MS4A8: variants seen among roughly 807,000 people sequenced by gnomAD.
MS4A8 encodes the protein membrane-spanning 4-domains subfamily A member 8.
A neutral mutation model predicts 23.7 loss-of-function variants in MS4A8; 27 were observed. The observed-to-expected ratio is 1.14, with a 90% CI of 0.84 to 1.57. The LOEUF (loss-of-function observed/expected upper bound fraction) is 1.57, where lower values mean the gene tolerates loss of function less well. MS4A8 is among the 40% of genes most tolerant of loss of function. MS4A8 has a pLI of 0.00. For synonymous variants in MS4A8, 138 were observed against 126.3 expected (o/e 1.09, Z -0.62); for missense variants, 301 against 311.4 (o/e 0.97, Z 0.25).
intron 2 of MS4A8, among the ~76,000 whole-genome samples, chr11:60,701,786 G>A (rs918365132): frequency 1.3e-5 from 2 of 152,136 alleles, no homozygotes; most frequent in African/African-American, 4.8e-5. Flanking sequence ...ATTGCAGCGT[G>A]GTTTGTGATA....
At chr11:60,712,408 G>A (rs761607077) in intron 5 of MS4A8, 2 of 985,258 alleles carry the variant, frequency 2.0e-6, no homozygotes, top group Non-Finnish European at 2.4e-6. Flanking sequence ...TGGAGAGGAA[G>A]GAGAAGAAAA....
chr11:60,699,981 C>T (rs1229568483), intron 1 of MS4A8, among the ~76,000 whole-genome samples: 1 of 152,154 alleles, frequency 6.6e-6, no homozygotes, highest in Admixed American at 6.5e-5. Context: ...TTTTTAAAAC[C>T]ACATTAGAAT....
In MS4A8 at chr11:60,715,026, T is replaced by C. The variant is rs368354928; in HGVS notation, c.540T>C (p.Pro180=). 435 of 1,613,666 alleles carry C rather than the reference T, an allele frequency of 2.7e-4. 3 individuals carry two copies. In the South Asian group the frequency reaches 4.3e-3, roughly 16 times the overall value. Residue 180 remains proline (P), a synonymous_variant, in exon 6 of 7, where the codon CCT becomes CCC. Transcript: ENST00000300226. ...CCCATCTGCTCTGCCTACAGAACCC[T>C]GGAATGGCGATTTCTGGCGTGCTGC... The part of the protein sequence containing the change: ...DYYPYAWGVN[P]GMAISGVLLV...
intron 5 of MS4A8, chr11:60,712,312 C>T: frequency 6.1e-6 from 6 of 984,962 alleles, no homozygotes; most frequent in Non-Finnish European, 7.2e-6. Context: ...TTATCATCTG[C>T]ATCTGTTTTC....
chr11:60,708,048 A>G (rs990368308), intron 4 of MS4A8, among the ~76,000 whole-genome samples: 1 of 151,866 alleles, frequency 6.6e-6, no homozygotes, highest in Non-Finnish European at 1.5e-5. Context: ...GAGTTTTGCC[A>G]TTTTGGCCAG....
chr11:60,703,435 G>C lies in MS4A8; in HGVS notation c.277G>C (p.Val93Leu). ...CGGCCTCGGCTCCATCATGGCGACG[G>C]TTCTCGTAGGGGAATACCTGTCTAT... is the stretch of plus-strand genomic sequence containing the variant. ...HIGLGSIMAT[V>L]LVGEYLSISF... The change falls in exon 3 of 7, where the codon GTT (valine) becomes CTT (leucine). Residue 93 changes from valine to leucine, a missense_variant. Transcript: ENST00000300226. The C allele has an allele frequency of 6.2e-7, 1 of 1,606,588 alleles. No homozygotes were observed. Among genetic ancestry groups the C allele is most frequent in the Non-Finnish European group, 8.5e-7 (1 of 1,176,992 alleles).
intron 2 of MS4A8, chr11:60,701,389 C>T (rs1414590116): frequency 2.0e-6 from 1 of 496,458 alleles, no homozygotes; most frequent in African/African-American, 2.0e-5. Context: ...AGAAAGGGGT[C>T]CCAGCAAGAC....
chr11:60,702,201 G>A (rs112203448), intron 2 of MS4A8, among the ~76,000 whole-genome samples: 342 of 152,200 alleles, frequency 2.2e-3, no homozygotes, highest in African/African-American at 7.7e-3. Context: ...GCTTAGCCTC[G>A]CCTACCTTAA....
At position 60,715,396 on chromosome 11, in the gene MS4A8, G is replaced by A. The variant is rs758408622; in HGVS notation, c.735G>A (p.Glu245=). Residue 245 remains glutamate (E), a synonymous_variant, in exon 7 of 7, where the codon GAG becomes GAA. Coordinates refer to ENST00000300226, the MANE Select transcript of MS4A8 (RefSeq NM_031457.2). The part of the protein sequence containing the change: ...PVTSPPSYSS[E]IQANK ...CCTCACCACCAAGTTATTCCAGTGA[G>A]ATCCAAGCAAATAAGTAAGGCTACA... is the stretch of plus-strand genomic sequence containing the variant. 2 of 1,613,760 alleles carry A rather than the reference G, an allele frequency of 1.2e-6. No individual in the cohort carries two copies. The highest frequency in any genetic ancestry group is 1.7e-5 in the Admixed American group (1 of 60,008).
chr11:60,703,378 G>A lies in MS4A8; in HGVS notation c.220G>A (p.Ala74Thr), dbSNP rs764744158. The A allele has an allele frequency of 2.6e-5, 41 of 1,564,824 alleles. No individual in the cohort carries two copies. The highest frequency in any genetic ancestry group is 3.2e-5 in the Non-Finnish European group (37 of 1,157,138). Residue 74 changes from alanine to threonine, a missense_variant and splice_region_variant, in exon 3 of 7, where the codon GCC becomes ACC. Coordinates refer to ENST00000300226, the MANE Select transcript of MS4A8 (RefSeq NM_031457.2). ...CTTCAGCTTGTGGCTCTCCTGACAG[G>A]CCATCCAGATCATCATTGGCCTGGC... is the stretch of plus-strand genomic sequence containing the variant. ...KALKEGKTLG[A>T]IQIIIGLAHI...
At chr11:60,702,628 C>T (rs1435616373) in intron 2 of MS4A8, among the ~76,000 whole-genome samples, 1 of 152,180 alleles carries the variant, frequency 6.6e-6, no homozygotes, top group Non-Finnish European at 1.5e-5. Flanking sequence ...TCTTGAACTC[C>T]TGACCTGTGA....
intron 5 of MS4A8, chr11:60,711,875 C>G: frequency 2.2e-6 from 1 of 456,124 alleles, no homozygotes; most frequent in Non-Finnish European, 4.4e-6. Flanking sequence ...CCCATGCCCA[C>G]CACCCATTCC....
chr11:60,701,068 A>G lies in MS4A8; in HGVS notation c.208A>G (p.Lys70Glu). The change falls in exon 2 of 7, where the codon AAA (lysine) becomes GAA (glutamate). Residue 70 changes from lysine to glutamate, a missense_variant. Lys to Glu is a moderately conservative substitution (Grantham distance 56, BLOSUM62 1). Transcript: ENST00000300226. ...QPVQKALKEG[K>E]TLGAIQIIIG... is the part of the protein sequence containing the mutation. ...TGTGCAGAAAGCTCTGAAAGAAGGC[A>G]AAACCTTGGGGGTAAGTGAGATTTC... 2 of 1,614,134 alleles carry G rather than the reference A, an allele frequency of 1.2e-6. No homozygotes were observed. Among genetic ancestry groups the G allele is most frequent in the Non-Finnish European group, 1.7e-6 (2 of 1,179,996 alleles).
chr11:60,714,050 G>A (rs372440261), intron 5 of MS4A8, among the ~76,000 whole-genome samples: 3 of 145,832 alleles, frequency 2.1e-5, no homozygotes, highest in South Asian at 2.1e-4. Flanking sequence ...TCAGCCTCCC[G>A]AGTAGCTGGG....
chr11:60,702,591 A>G (rs1265614488), intron 2 of MS4A8, among the ~76,000 whole-genome samples: 1 of 152,104 alleles, frequency 6.6e-6, no homozygotes, highest in Non-Finnish European at 1.5e-5. Flanking sequence ...TTGTAGAGAC[A>G]GGGTTTCACC....
Position 60,715,528 on chromosome 11 carries a change from A to G in MS4A8, c.*114A>G. ...TGACAGCTGAGGAAACGTCTCTCCC[A>G]CTGTTTGTACTCTCACCTTCATTCT... On this transcript the variant is annotated 3_prime_UTR_variant, in exon 7 of 7. Transcript: ENST00000300226. 1.4e-6 allele frequency: 1 copy of G among 704,510 alleles called. No individual in the cohort carries two copies. Among genetic ancestry groups the G allele is most frequent in the Non-Finnish European group, 2.4e-6 (1 of 409,176 alleles). 43.6% of individuals were successfully genotyped at this position (704,510 alleles called of 1,614,324 possible).
intron 5 of MS4A8, chr11:60,712,025 CT>C (rs1312641414): frequency 1.9e-5 from 5 of 259,838 alleles, no homozygotes. Context: ...AAAATCTCAG[CT>C]GCTTGAGGGA....
intron 5 of MS4A8, 127 bp downstream of exon 5, chr11:60,708,908 T>A (rs2088279795): frequency 1.7e-6 from 2 of 1,181,838 alleles, no homozygotes; most frequent in East Asian, 2.4e-5. Context: ...GCTTTCAGCA[T>A]AGGAACAAAT....
chr11:60,714,954 CCCAGTGAGAGGTCAGTT>C, intron 5 of MS4A8, 50 bp from the exon 6 acceptor site: 1 of 1,095,588 alleles, frequency 9.1e-7, no homozygotes, highest in Admixed American at 1.7e-5. Context: ...ATGGCAGGGC[CCCAGTGAGAGGTCAGTT>C]CGGACTCCCA....
Sources: gnomAD v4.1 joint callset for allele counts (sites outside exome capture counted in the v4.1 genomes callset) on GRCh38, gnomAD v4.1.1 for gene constraint, MANE v1.5 for transcripts, NCBI Gene and HGNC (gene_info 2026-07-23, HGNC 2026-07-21) for gene names.